Variants in NKAIN2 observed in about 807,000 individuals in gnomAD.
NKAIN2 encodes the protein sodium/potassium-transporting ATPase subunit beta-1-interacting protein 2.
In NKAIN2, 14 loss-of-function variants were observed where a neutral mutation model predicts 32.6. That is an observed-to-expected ratio of 0.43 (90% confidence interval 0.28 to 0.67). NKAIN2 has a LOEUF of 0.67. Among genes scored for constraint, NKAIN2 ranks in the 30% least tolerant of loss-of-function variants. The probability of loss-of-function intolerance (pLI) is 0.17; values close to 1 mark genes in which losing one functional copy is unlikely to be tolerated. For synonymous variants in NKAIN2, 80 were observed against 87.2 expected, an observed-to-expected ratio of 0.92 and a Z score of 0.46; for missense variants, 198 against 258.3, an observed-to-expected ratio of 0.77 and a Z score of 1.60.
intron 1 of NKAIN2, among the ~76,000 whole-genome samples, chr6:124,077,022 C>T (rs1450199133): frequency 6.6e-6 from 1 of 152,156 alleles, no homozygotes; most frequent in Non-Finnish European, 1.5e-5. Context: ...GTATATAAAG[C>T]ACTTACTGCA....
chr6:124,242,170 C>T (rs1793139440), intron 1 of NKAIN2, among the ~76,000 whole-genome samples: 1 of 151,984 alleles, frequency 6.6e-6, no homozygotes, highest in South Asian at 2.1e-4. Flanking sequence ...CTAATATCCA[C>T]AATCTACAAG....
intron 1 of NKAIN2, among the ~76,000 whole-genome samples, chr6:123,886,195 G>A (rs1171595256): frequency 1.3e-5 from 2 of 151,990 alleles, no homozygotes; most frequent in Non-Finnish European, 2.9e-5. Flanking sequence ...TGATAGTTTG[G>A]CAGAAGTTGC....
intron 4 of NKAIN2, among the ~76,000 whole-genome samples, chr6:124,732,644 A>G (rs1422933752): frequency 6.6e-6 from 1 of 152,046 alleles, no homozygotes; most frequent in Non-Finnish European, 1.5e-5. Context: ...GTGAAATCTG[A>G]ATAAGATTGT....
In NKAIN2 at chr6:124,053,778, A is replaced by C. The variant is rs527914068; in HGVS notation, c.55-229227A>C. Among the ~76,000 whole-genome samples, 9 of 152,128 alleles carry C rather than the reference A, an allele frequency of 5.9e-5. No homozygotes were observed. The South Asian group carries it at 1.9e-3, about 32-fold the overall frequency. On this transcript the variant is annotated intron_variant, in intron 1 of 6. Coordinates refer to ENST00000368417, the MANE Select transcript of NKAIN2 (RefSeq NM_001040214.3). ...TTTCTAAAAGGCTTGAGGAGGAAAA[A>C]CATATATATCCAAGAATCATTAAGT...
At chr6:124,477,660 T>A (rs1777274506) in intron 3 of NKAIN2, among the ~76,000 whole-genome samples, 1 of 146,078 alleles carries the variant, frequency 6.8e-6, no homozygotes, top group Non-Finnish European at 1.5e-5. Flanking sequence ...CTTCCTCTTA[T>A]CCTTCCCCTT....
intron 3 of NKAIN2, among the ~76,000 whole-genome samples, chr6:124,497,824 T>TAAAAAAAAA (rs33913104): frequency 2.7e-4 from 29 of 105,612 alleles, no homozygotes; most frequent in Middle Eastern, 0.011. Context: ...GAGTAAGGGG[T>TAAAAAAAAA]AAAAAAAAAA....
intron 1 of NKAIN2, among the ~76,000 whole-genome samples, chr6:124,057,598 G>A (rs895472458): frequency 1.1e-4 from 16 of 150,820 alleles, no homozygotes; most frequent in Admixed American, 8.6e-4. Context: ...GGCAAGAAGC[G>A]TCAGCAGTGG....
Position 123,874,098 on chromosome 6 carries a change from A to C in NKAIN2, c.54+69844A>C, listed in dbSNP as rs540629590. 3.6e-4 allele frequency among the ~76,000 whole-genome samples: 55 copies of C among 152,260 alleles called. 1 individual carries two copies. The South Asian group carries it at 0.011, about 30-fold the overall frequency. ...CCATTTCATTGTCAGAGACCATTAC[A>C]TCCCAGGTTTTAACCCTGACCTGTC... On this transcript the variant is annotated intron_variant, in intron 1 of 6. Transcript: ENST00000368417.
chr6:123,813,242 G>A (rs1038995957), intron 1 of NKAIN2, among the ~76,000 whole-genome samples: 1 of 152,206 alleles, frequency 6.6e-6, no homozygotes, highest in East Asian at 1.9e-4. Context: ...TGTGCTGATT[G>A]TCCCGGGATT....
chr6:124,073,894 A>C (rs1226056669), intron 1 of NKAIN2, among the ~76,000 whole-genome samples: 1 of 152,102 alleles, frequency 6.6e-6, no homozygotes, highest in African/African-American at 2.4e-5. Context: ...ATGTAATCTA[A>C]AACCATTTCC....
At chr6:124,406,782 G>T (rs914228314) in intron 3 of NKAIN2, among the ~76,000 whole-genome samples, 1 of 152,036 alleles carries the variant, frequency 6.6e-6, no homozygotes, top group Non-Finnish European at 1.5e-5. Flanking sequence ...TAGGCATGTA[G>T]TGCTATATAA....
intron 3 of NKAIN2, among the ~76,000 whole-genome samples, chr6:124,382,436 T>C (rs559576955): frequency 6.6e-6 from 1 of 152,276 alleles, no homozygotes; most frequent in African/African-American, 2.4e-5. Flanking sequence ...CCCATTCTGG[T>C]AGAGTTCTGT....
intron 1 of NKAIN2, among the ~76,000 whole-genome samples, chr6:124,031,483 T>A (rs1781403859): frequency 6.6e-6 from 1 of 152,194 alleles, no homozygotes. Flanking sequence ...GCTTCTCTAG[T>A]TCTTTTAATT....
intron 2 of NKAIN2, among the ~76,000 whole-genome samples, chr6:124,352,244 T>G (rs1450629265): frequency 6.6e-6 from 1 of 152,214 alleles, no homozygotes; most frequent in East Asian, 1.9e-4. Flanking sequence ...AAATTATTAA[T>G]TTTGGTGGCT....
chr6:124,121,650 AG>A (rs1408809055), intron 1 of NKAIN2, among the ~76,000 whole-genome samples: 1 of 152,136 alleles, frequency 6.6e-6, no homozygotes, highest in Non-Finnish European at 1.5e-5. Flanking sequence ...ATTCAGATGT[AG>A]GGGTTGATAC....
chr6:124,135,160 A>G (rs1326502491), intron 1 of NKAIN2, among the ~76,000 whole-genome samples: 1 of 152,108 alleles, frequency 6.6e-6, no homozygotes, highest in African/African-American at 2.4e-5. Flanking sequence ...AAAATACACC[A>G]AAATGAACCT....
At chr6:124,266,859 C>T (rs1225124062) in intron 1 of NKAIN2, among the ~76,000 whole-genome samples, 1 of 152,112 alleles carries the variant, frequency 6.6e-6, no homozygotes, top group African/African-American at 2.4e-5. Flanking sequence ...TGCACATACA[C>T]AATTCTTAGA....
chr6:124,622,210 C>T (rs1417981303), intron 3 of NKAIN2, among the ~76,000 whole-genome samples: 1 of 152,196 alleles, frequency 6.6e-6, no homozygotes, highest in Admixed American at 6.5e-5. Flanking sequence ...CGATCTCTGC[C>T]TCCATCTTTG....
intron 2 of NKAIN2, among the ~76,000 whole-genome samples, chr6:124,344,101 T>C (rs1273157401): frequency 6.6e-6 from 1 of 152,118 alleles, no homozygotes; most frequent in Non-Finnish European, 1.5e-5. Context: ...CCTTTCCCCA[T>C]TGCTTGTTTT....
Sources: allele counts gnomAD v4.1 joint callset (sites outside exome capture counted in the v4.1 genomes callset), GRCh38; gene constraint gnomAD v4.1.1; transcripts MANE v1.5; gene names NCBI Gene and HGNC (gene_info 2026-07-23, HGNC 2026-07-21).